The following UNC13C variants were observed in gnomAD, a reference collection of about 807,000 sequenced individuals.
UNC13C encodes protein unc-13 homolog C.
UNC13C carries 174 observed loss-of-function variants against 245.4 expected under a neutral mutation model. The ratio of observed to expected loss-of-function variants is 0.71; its 90% CI spans 0.63 to 0.80. The LOEUF (loss-of-function observed/expected upper bound fraction) is 0.80, where lower values mean the gene tolerates loss of function less well. Ranked by LOEUF, UNC13C falls within the 30% of genes least tolerant of loss-of-function variation. UNC13C has a pLI of 0.00. For synonymous variants in UNC13C, 992 were observed against 895.1 expected, an observed-to-expected ratio of 1.11 and a Z score of -1.93; for missense variants, 2,829 against 2,602.9, an observed-to-expected ratio of 1.09 and a Z score of -1.89.
rs974523815 is a variant in UNC13C, at chr15:54,032,328, C to A, written c.2983+16442C>A. Among the ~76,000 whole-genome samples, 4 of 152,144 alleles carry A rather than the reference C, an allele frequency of 2.6e-5. No homozygotes were observed. In the East Asian group the frequency reaches 7.7e-4, roughly 29 times the overall value. ...AAATCAGGTTGATAGGAAAACACTC[C>A]TTTGATTACAAGGCCGGATAAACAT... On this transcript the variant is annotated intron_variant, in intron 2 of 32. Transcript: ENST00000260323.
intron 20 of UNC13C, among the ~76,000 whole-genome samples, chr15:54,494,943 G>A (rs1472421980): frequency 6.6e-6 from 1 of 151,854 alleles, no homozygotes; most frequent in Admixed American, 6.6e-5. Context: ...CGCCCTACCT[G>A]GATATTCAAC....
In UNC13C at chr15:54,400,369, C is replaced by G. The variant is rs1553901; in HGVS notation, c.4847+7188C>G. ...TTTCATACTAGTTAAGTCCCCCCTC[C>G]CTTTTATTTTATTTATACCGTTGAC... On this transcript the variant is annotated intron_variant, in intron 18 of 32. Transcript: ENST00000260323. Among the ~76,000 whole-genome samples, 93 of 152,128 alleles carry G rather than the reference C, an allele frequency of 6.1e-4. 1 individual carries two copies. The East Asian group carries it at 0.016, about 26-fold the overall frequency.
chr15:54,328,701 G>T (rs950694183), intron 14 of UNC13C, among the ~76,000 whole-genome samples: 30 of 152,030 alleles, frequency 2.0e-4, no homozygotes, highest in African/African-American at 6.5e-4. Context: ...TCCTGAAGGT[G>T]CACACTCCGA....
intron 30 of UNC13C, among the ~76,000 whole-genome samples, chr15:54,603,023 A>G (rs953512159): frequency 1.3e-5 from 2 of 152,170 alleles, no homozygotes; most frequent in African/African-American, 4.8e-5. Context: ...GCATCTGTTT[A>G]GTCCTTCCTC....
intron 19 of UNC13C, among the ~76,000 whole-genome samples, chr15:54,455,205 C>CA (rs1555467351): frequency 5.3e-5 from 1 of 18,974 alleles, no homozygotes; most frequent in African/African-American, 1.9e-4. Context: ...CTCTCTCTCT[C>CA]TATATATATA....
In UNC13C at chr15:54,013,125, C is replaced by G. The variant is rs750114199; in HGVS notation, c.222C>G (p.Asn74Lys). The change falls in exon 2 of 33, where the codon AAC (asparagine) becomes AAG (lysine). Residue 74 changes from asparagine (N) to lysine (K), a missense_variant. By Grantham distance (94) the Asn-to-Lys change is moderately conservative. Coordinates refer to ENST00000260323, the MANE Select transcript of UNC13C (RefSeq NM_001080534.3). ...TTGCAAAGTGTTCATCCACTCACAA[C>G]TTATCCACTGAGGAAGACGAGGCCA... is the stretch of plus-strand genomic sequence containing the variant. ...KKIAKCSSTHNLSTEEDEASK... is the reference protein window; with the variant it reads ...KKIAKCSSTHKLSTEEDEASK... 6.2e-7 allele frequency: 1 copy of G among 1,613,932 alleles called. No individual in the cohort carries two copies.
At chr15:54,184,082 C>A (rs770050130) in intron 4 of UNC13C, among the ~76,000 whole-genome samples, 3 of 151,976 alleles carry the variant, frequency 2.0e-5, no homozygotes, top group Non-Finnish European at 2.9e-5. Context: ...CTGTACATTC[C>A]CTTCACATGA....
At chr15:54,173,616 A>G (rs1201904572) in intron 4 of UNC13C, among the ~76,000 whole-genome samples, 1 of 152,006 alleles carries the variant, frequency 6.6e-6, no homozygotes, top group East Asian at 1.9e-4. Context: ...ATTGTTGCAG[A>G]TTGCTTAGGA....
intron 17 of UNC13C, among the ~76,000 whole-genome samples, chr15:54,378,868 C>G (rs1248773417): frequency 1.3e-5 from 2 of 151,800 alleles, no homozygotes; most frequent in African/African-American, 4.8e-5. Context: ...TATTCAAATT[C>G]AAGGAACAAT....
chr15:54,375,503 A>G (rs2039586094), intron 17 of UNC13C, among the ~76,000 whole-genome samples: 1 of 152,216 alleles, frequency 6.6e-6, no homozygotes, highest in South Asian at 2.1e-4. Context: ...ATTCACATTT[A>G]GATTATTTTG....
At chr15:54,323,103 A>C (rs1164409289) in intron 14 of UNC13C, among the ~76,000 whole-genome samples, 1 of 151,336 alleles carries the variant, frequency 6.6e-6, no homozygotes, top group Non-Finnish European at 1.5e-5. Flanking sequence ...AATTTAGTTT[A>C]CTGAATATAT....
intron 7 of UNC13C, among the ~76,000 whole-genome samples, chr15:54,246,660 T>A (rs1271249096): frequency 1.3e-5 from 2 of 151,732 alleles, no homozygotes; most frequent in Non-Finnish European, 2.9e-5. Flanking sequence ...TTGTAGAAGA[T>A]TTGTAAAGTT....
chr15:53,928,930 G>GATT, the UNC13C span, among the ~76,000 whole-genome samples: 3 of 152,194 alleles, frequency 2.0e-5, no homozygotes, highest in Non-Finnish European at 4.4e-5. Context: ...CAGTGGTGAT[G>GATT]ATTACATCAT....
At chr15:54,506,762 T>A (rs763432132) in intron 22 of UNC13C, among the ~76,000 whole-genome samples, 3 of 152,184 alleles carry the variant, frequency 2.0e-5, no homozygotes, top group Non-Finnish European at 4.4e-5. Flanking sequence ...TTTACTTTTC[T>A]ATCAAAAGAG....
intron 12 of UNC13C, 59 bp downstream of exon 12, chr15:54,297,985 T>G (rs1239838462): frequency 1.7e-6 from 2 of 1,163,930 alleles, no homozygotes; most frequent in East Asian, 5.1e-5. Flanking sequence ...TTATGGATTA[T>G]AAAACAGAAT....
chr15:54,450,635 G>C (rs1184000367), intron 19 of UNC13C, among the ~76,000 whole-genome samples: 1 of 152,222 alleles, frequency 6.6e-6, no homozygotes, highest in Non-Finnish European at 1.5e-5. Context: ...CAGTATTAGG[G>C]TGGGAGTGAC....
At chr15:54,247,461 T>A (rs374796447) in intron 7 of UNC13C, among the ~76,000 whole-genome samples, 3 of 152,266 alleles carry the variant, frequency 2.0e-5, no homozygotes, top group East Asian at 1.9e-4. Flanking sequence ...ACCTATTAAT[T>A]TCATGTTCCT....
At chr15:54,187,242 C>A (rs570982554) in intron 4 of UNC13C, among the ~76,000 whole-genome samples, 1 of 152,040 alleles carries the variant, frequency 6.6e-6, no homozygotes, top group Non-Finnish European at 1.5e-5. Flanking sequence ...TACTGCCTTA[C>A]CCTGACTTGG....
intron 17 of UNC13C, among the ~76,000 whole-genome samples, chr15:54,365,253 C>A (rs1202224136): frequency 6.6e-6 from 1 of 151,926 alleles, no homozygotes; most frequent in East Asian, 1.9e-4. Context: ...GCCAGCTGGT[C>A]CTTTTTGGAG....
Sources: allele counts gnomAD v4.1 joint callset (sites outside exome capture counted in the v4.1 genomes callset), GRCh38; gene constraint gnomAD v4.1.1; transcripts MANE v1.5; gene names NCBI Gene and HGNC (gene_info 2026-07-23, HGNC 2026-07-21).